Variants in ITGA9 observed in about 807,000 individuals in gnomAD.
The protein encoded by ITGA9 is integrin subunit alpha 9, also known as integrin alpha-9.
A neutral mutation model predicts 127.8 loss-of-function variants in ITGA9; 56 were observed. The ratio of observed to expected loss-of-function variants is 0.44; its 90% CI spans 0.35 to 0.55. The LOEUF is 0.55. Among genes scored for constraint, ITGA9 ranks in the 20% least tolerant of loss-of-function variants. The probability of loss-of-function intolerance (pLI) is 0.00; values close to 1 mark genes in which losing one functional copy is unlikely to be tolerated. For missense variants in ITGA9, 1,196 were observed against 1,347.1 expected (o/e 0.89, Z 1.76); for synonymous variants, 508 against 514.5 (o/e 0.99, Z 0.17).
At chr3:37,528,094 C>T (rs1161802140) in intron 13 of ITGA9, among the ~76,000 whole-genome samples, 2 of 152,212 alleles carry the variant, frequency 1.3e-5, no homozygotes, top group Non-Finnish European at 2.9e-5. Context: ...CCAACAGGCC[C>T]TCTTAAAACC....
At chr3:37,601,317 C>A (rs1699920399) in intron 15 of ITGA9, among the ~76,000 whole-genome samples, 1 of 152,146 alleles carries the variant, frequency 6.6e-6, no homozygotes. Context: ...CAGAAGGGTG[C>A]AATGTGAACA....
At chr3:37,599,319 G>A (rs1479505416) in intron 15 of ITGA9, among the ~76,000 whole-genome samples, 1 of 152,222 alleles carries the variant, frequency 6.6e-6, no homozygotes, top group Admixed American at 6.5e-5. Context: ...TCAGCTTGCA[G>A]GCTGGCTGGA....
intron 3 of ITGA9, among the ~76,000 whole-genome samples, chr3:37,478,186 T>C (rs1405947138): frequency 1.3e-5 from 2 of 152,204 alleles, no homozygotes; most frequent in African/African-American, 2.4e-5. Context: ...TCAGCCTCTC[T>C]GTGATCCTGC....
chr3:37,753,405 T>C (rs920469666), intron 23 of ITGA9, among the ~76,000 whole-genome samples: 1 of 152,066 alleles, frequency 6.6e-6, no homozygotes, highest in Admixed American at 6.6e-5. Flanking sequence ...GCTACAAAGG[T>C]TCAGTGCTTC....
At chr3:37,698,863 C>T (rs1242888480) in intron 18 of ITGA9, among the ~76,000 whole-genome samples, 1 of 152,146 alleles carries the variant, frequency 6.6e-6, no homozygotes, top group Non-Finnish European at 1.5e-5. Context: ...TTATTTTAGC[C>T]ATTCTGGTGT....
At chr3:37,737,258 C>CA (rs1307966166) in intron 20 of ITGA9, among the ~76,000 whole-genome samples, 3 of 152,314 alleles carry the variant, frequency 2.0e-5, no homozygotes, top group Admixed American at 1.3e-4. Context: ...GAGACAGGCC[C>CA]AGGGGGGTGA....
chr3:37,495,191 G>C (rs1023018323), intron 5 of ITGA9, among the ~76,000 whole-genome samples: 2 of 152,116 alleles, frequency 1.3e-5, no homozygotes, highest in African/African-American at 4.8e-5. Context: ...GACCTCAGGT[G>C]ATCTGCCAGT....
chr3:37,730,520 C>T (rs1023754126), intron 18 of ITGA9, among the ~76,000 whole-genome samples: 5 of 152,202 alleles, frequency 3.3e-5, no homozygotes, highest in Non-Finnish European at 5.9e-5. Context: ...GTTCTAAGAG[C>T]AGCCCTCACA....
chr3:37,762,341 G>A (rs576283421), intron 23 of ITGA9, among the ~76,000 whole-genome samples: 7 of 152,354 alleles, frequency 4.6e-5, no homozygotes, highest in South Asian at 4.1e-4. Context: ...CCCCTGGTAA[G>A]GTACAGAAGC....
intron 18 of ITGA9, among the ~76,000 whole-genome samples, chr3:37,729,959 C>T (rs1696267009): frequency 6.6e-6 from 1 of 152,150 alleles, no homozygotes; most frequent in African/African-American, 2.4e-5. Context: ...GCCTCGGCCT[C>T]CCAGAGTGCT....
intron 4 of ITGA9, among the ~76,000 whole-genome samples, chr3:37,492,934 A>T (rs1698687528): frequency 6.6e-6 from 1 of 152,216 alleles, no homozygotes; most frequent in Admixed American, 6.5e-5. Flanking sequence ...ATGAAATTTG[A>T]TGCAGGATTT....
rs571490156 is a variant in ITGA9, at chr3:37,778,588, A to G, written c.2667+1071A>G. The stretch of plus-strand genomic sequence containing the variant: ...AGCCAAGATCGTGCCACTGTACTCC[A>G]GCCTGGGCAACAGAGCAAGACTCTG... On this transcript the variant is annotated intron_variant, in intron 24 of 27. Coordinates refer to ENST00000264741, the MANE Select transcript of ITGA9 (RefSeq NM_002207.3). Among the ~76,000 whole-genome samples, 9 of 152,024 alleles carry G rather than the reference A, an allele frequency of 5.9e-5. No homozygotes were observed. The South Asian group carries it at 6.2e-4, about 11-fold the overall frequency.
intron 15 of ITGA9, among the ~76,000 whole-genome samples, chr3:37,601,831 T>G (rs1405530820): frequency 6.6e-6 from 1 of 152,220 alleles, no homozygotes; most frequent in Non-Finnish European, 1.5e-5. Flanking sequence ...AGAAAAGATG[T>G]GTATTCGGCT....
intron 15 of ITGA9, among the ~76,000 whole-genome samples, chr3:37,579,777 C>G: frequency 6.6e-6 from 1 of 152,112 alleles, no homozygotes. Context: ...AAGCCAGGAG[C>G]TTATCCTCTC....
chr3:37,713,797 C>T (rs1286876306), intron 18 of ITGA9, among the ~76,000 whole-genome samples: 2 of 152,242 alleles, frequency 1.3e-5, no homozygotes, highest in Non-Finnish European at 2.9e-5. Flanking sequence ...GCCCGGGCTG[C>T]TCTGCTTACA....
chr3:37,742,124 C>A (rs1471125137), intron 21 of ITGA9, among the ~76,000 whole-genome samples: 1 of 152,198 alleles, frequency 6.6e-6, no homozygotes, highest in African/African-American at 2.4e-5. Flanking sequence ...TTCTCATCCG[C>A]CCCTAGTCCC....
chr3:37,803,885 C>T lies in ITGA9; in HGVS notation c.2952C>T (p.Ala984=). The change falls in exon 27 of 28, where the codon GCC becomes GCT. Residue 984 remains alanine, a synonymous_variant. Coordinates refer to ENST00000264741, the MANE Select transcript of ITGA9 (RefSeq NM_002207.3). ...GCTACGTCGTGGGGTGGATCATCGCCATCAGTTTGTTGGTGGGAATCCTCA... is the reference window on the plus strand; with the variant it reads ...GCTACGTCGTGGGGTGGATCATCGCTATCAGTTTGTTGGTGGGAATCCTCA... ...PRGYVVGWII[A]ISLLVGILIF... is the part of the protein sequence containing the mutation. The T allele has an allele frequency of 1.9e-6, 3 of 1,614,162 alleles. No homozygotes were observed. The highest frequency in any genetic ancestry group is 1.7e-6 in the Non-Finnish European group (2 of 1,180,022).
At chr3:37,600,123 C>T (rs1699903456) in intron 15 of ITGA9, among the ~76,000 whole-genome samples, 1 of 152,166 alleles carries the variant, frequency 6.6e-6, no homozygotes, top group South Asian at 2.1e-4. Flanking sequence ...ACTGAGCCTT[C>T]CTCAAGACCT....
chr3:37,655,996 A>T (rs1035818517), intron 17 of ITGA9, among the ~76,000 whole-genome samples: 5 of 152,166 alleles, frequency 3.3e-5, no homozygotes, highest in African/African-American at 1.2e-4. Flanking sequence ...CAAAGATCAG[A>T]TGGTTGTAGA....
Sources: allele counts gnomAD v4.1 joint callset (sites outside exome capture counted in the v4.1 genomes callset), GRCh38; gene constraint gnomAD v4.1.1; transcripts MANE v1.5; gene names NCBI Gene and HGNC (gene_info 2026-07-23, HGNC 2026-07-21).